Variants in LRMDA observed in about 807,000 individuals in gnomAD.
LRMDA encodes leucine rich melanocyte differentiation associated, also known as leucine-rich melanocyte differentiation-associated protein.
In LRMDA, 18 loss-of-function variants were observed where a neutral mutation model predicts 29.8. That is an observed-to-expected ratio of 0.60 (90% confidence interval 0.42 to 0.90). LRMDA has a LOEUF of 0.90. Ranked by LOEUF, LRMDA falls within the 40% of genes least tolerant of loss-of-function variation. The probability of loss-of-function intolerance (pLI) is 0.00; values close to 1 mark genes in which losing one functional copy is unlikely to be tolerated. For synonymous variants in LRMDA, 125 were observed against 109.4 expected (o/e 1.14, Z -0.89); for missense variants, 273 against 273.9 (o/e 1.00, Z 0.02).
chr10:76,415,722 G>A lies in LRMDA; in HGVS notation c.601+91237G>A, dbSNP rs568442143. ...TGCGTGCATTCCTGACATGGCTATG[G>A]GCCCCACCCATGCCATATGCTCCCC... is the stretch of plus-strand genomic sequence containing the variant. On this transcript the variant is annotated intron_variant, in intron 6 of 6. Transcript: ENST00000611255. 2.3e-4 allele frequency among the ~76,000 whole-genome samples: 35 copies of A among 152,182 alleles called. No individual in the cohort carries two copies. In the South Asian group the frequency reaches 7.3e-3, roughly 32 times the overall value.
At chr10:75,946,294 T>C (rs1246242995) in intron 2 of LRMDA, among the ~76,000 whole-genome samples, 1 of 152,236 alleles carries the variant, frequency 6.6e-6, no homozygotes, top group Non-Finnish European at 1.5e-5. Context: ...GCTGTGCCCA[T>C]GTGAGCTATT....
At chr10:75,946,457 G>C (rs16932726) in intron 2 of LRMDA, among the ~76,000 whole-genome samples, 4,659 of 152,284 alleles carry the variant, frequency 0.031, 143 homozygotes, top group African/African-American at 0.069. Flanking sequence ...GGCAGATTTA[G>C]GACCAGACAA....
At chr10:75,907,807 G>T (rs1222417139) in intron 2 of LRMDA, among the ~76,000 whole-genome samples, 1 of 152,188 alleles carries the variant, frequency 6.6e-6, no homozygotes, top group Non-Finnish European at 1.5e-5. Flanking sequence ...TATTAAGGGA[G>T]CAGTGTCTCA....
At chr10:75,742,879 C>T (rs1165999445) in intron 2 of LRMDA, 1 of 152,114 alleles carries the variant, frequency 6.6e-6, no homozygotes, top group Non-Finnish European at 1.5e-5. Flanking sequence ...TAGCAGCTGG[C>T]CAAGGTGAGA....
chr10:76,193,300 A>C (rs1482909531), intron 5 of LRMDA, among the ~76,000 whole-genome samples: 1 of 152,164 alleles, frequency 6.6e-6, no homozygotes, highest in Non-Finnish European at 1.5e-5. Flanking sequence ...AAAAATTTAA[A>C]CATGTCTTTG....
rs996348649 is a variant in LRMDA at position 75,440,161 on chromosome 10, C to T, written c.131+1667C>T. On this transcript the variant is annotated intron_variant, in intron 2 of 6. Transcript: ENST00000611255. ...GACCTTGGGAGGTGTGTATGTGTGG[C>T]AAGAAGGGGCTGTTGGCTCTGAGGG... 8.0e-5 allele frequency among the ~76,000 whole-genome samples: 12 copies of T among 149,252 alleles called. No homozygotes were observed. The Admixed American group carries it at 8.1e-4, about 10-fold the overall frequency.
intron 2 of LRMDA, among the ~76,000 whole-genome samples, chr10:75,554,234 G>T (rs1200174087): frequency 2.0e-5 from 3 of 152,126 alleles, no homozygotes; most frequent in Non-Finnish European, 4.4e-5. Flanking sequence ...GAGAAGTAAT[G>T]GAATTCCTAG....
At chr10:76,400,353 CA>C (rs1841835390) in intron 6 of LRMDA, among the ~76,000 whole-genome samples, 1 of 152,168 alleles carries the variant, frequency 6.6e-6, no homozygotes, top group Non-Finnish European at 1.5e-5. Context: ...AAACAGAGGA[CA>C]CAGCTAAGCT....
At chr10:76,555,437 A>G (rs1039797047) in intron 6 of LRMDA, among the ~76,000 whole-genome samples, 3 of 152,176 alleles carry the variant, frequency 2.0e-5, no homozygotes, top group Admixed American at 6.5e-5. Flanking sequence ...AAACTTACTC[A>G]TGGGAACATG....
intron 2 of LRMDA, among the ~76,000 whole-genome samples, chr10:75,728,313 A>G (rs562090942): frequency 2.2e-4 from 34 of 152,354 alleles, no homozygotes; most frequent in Middle Eastern, 3.4e-3. Context: ...AGTGCATTAT[A>G]TTGAAAAATG....
At chr10:75,558,416 C>G (rs554361610) in intron 2 of LRMDA, among the ~76,000 whole-genome samples, 24 of 152,196 alleles carry the variant, frequency 1.6e-4, no homozygotes, top group African/African-American at 5.5e-4. Context: ...TGACTTGAAT[C>G]CTATATAAGG....
At chr10:76,415,166 G>A (rs941364854) in intron 6 of LRMDA, among the ~76,000 whole-genome samples, 2 of 152,178 alleles carry the variant, frequency 1.3e-5, no homozygotes, top group African/African-American at 4.8e-5. Flanking sequence ...TCAATACATT[G>A]GTCTGGGGAC....
intron 6 of LRMDA, among the ~76,000 whole-genome samples, chr10:76,545,181 G>GTT (rs11291434): frequency 3.6e-5 from 5 of 140,482 alleles, no homozygotes; most frequent in African/African-American, 7.9e-5. Context: ...TTTTTATTTT[G>GTT]TTTTTTTTTT....
At chr10:75,697,802 C>T (rs992443155) in intron 2 of LRMDA, among the ~76,000 whole-genome samples, 3 of 150,740 alleles carry the variant, frequency 2.0e-5, no homozygotes, top group Admixed American at 1.3e-4. Flanking sequence ...GTGGGCAACT[C>T]GTTCTCTCTC....
intron 6 of LRMDA, among the ~76,000 whole-genome samples, chr10:76,442,594 G>A (rs573385276): frequency 1.3e-5 from 2 of 152,214 alleles, no homozygotes; most frequent in East Asian, 1.9e-4. Flanking sequence ...TCAGGAGGCT[G>A]GGGTTAGAAG....
chr10:75,631,724 C>T (rs931063042), intron 2 of LRMDA, among the ~76,000 whole-genome samples: 6 of 152,096 alleles, frequency 3.9e-5, no homozygotes, highest in African/African-American at 1.4e-4. Context: ...TTCTTTGACT[C>T]GAAGTGACAG....
intron 6 of LRMDA, among the ~76,000 whole-genome samples, chr10:76,407,843 T>G (rs1841918267): frequency 6.6e-6 from 1 of 152,248 alleles, no homozygotes; most frequent in Non-Finnish European, 1.5e-5. Flanking sequence ...GAACATTTGT[T>G]TTGAATTAAA....
intron 2 of LRMDA, among the ~76,000 whole-genome samples, chr10:75,836,010 C>T (rs1431841240): frequency 6.6e-6 from 1 of 152,136 alleles, no homozygotes; most frequent in Non-Finnish European, 1.5e-5. Context: ...CACAGTTTCT[C>T]TTAGAAGGCA....
At chr10:76,423,284 C>T (rs899944714) in intron 6 of LRMDA, among the ~76,000 whole-genome samples, 2 of 152,146 alleles carry the variant, frequency 1.3e-5, no homozygotes, top group African/African-American at 4.8e-5. Context: ...GTCCCAGCTA[C>T]TTGTGAGGCT....
Sources: gnomAD v4.1 joint callset for allele counts (sites outside exome capture counted in the v4.1 genomes callset) on GRCh38, gnomAD v4.1.1 for gene constraint, MANE v1.5 for transcripts, NCBI Gene and HGNC (gene_info 2026-07-23, HGNC 2026-07-21) for gene names.